Variants in PDCD1LG2 observed in about 807,000 individuals in gnomAD.
PDCD1LG2 encodes the protein programmed cell death 1 ligand 2, also known as B7 dendritic cell molecule.
In PDCD1LG2, 32 loss-of-function variants were observed where a neutral mutation model predicts 28.2. That is an observed-to-expected ratio of 1.13 (90% CI 0.86 to 1.52). The LOEUF (loss-of-function observed/expected upper bound fraction) is 1.52, where lower values mean the gene tolerates loss of function less well. Ranked by LOEUF, PDCD1LG2 falls within the 40% of genes most tolerant of loss-of-function variation. The pLI is 0.00. For synonymous variants in PDCD1LG2, 116 were observed against 120.2 expected (o/e 0.97, Z 0.23); for missense variants, 385 against 323.8 (o/e 1.19, Z -1.45).
chr9:5,543,534 G>C (rs57753863), intron 3 of PDCD1LG2, among the ~76,000 whole-genome samples: 8,924 of 110,354 alleles, frequency 0.081, 319 homozygotes, highest in South Asian at 0.18. Flanking sequence ...GCGAGACTCC[G>C]TCTCAAAAAA....
chr9:5,554,301 C>T (rs1816394074), intron 4 of PDCD1LG2, among the ~76,000 whole-genome samples: 1 of 152,184 alleles, frequency 6.6e-6, no homozygotes, highest in South Asian at 2.1e-4. Context: ...AGCTACCAGA[C>T]TGTGTGGACA....
At chr9:5,555,578 T>A (rs1415389583) in intron 4 of PDCD1LG2, among the ~76,000 whole-genome samples, 1 of 152,226 alleles carries the variant, frequency 6.6e-6, no homozygotes. Context: ...TTTCGTTCCA[T>A]GTAACACTCA....
chr9:5,571,140 T>A lies in PDCD1LG2; in HGVS notation c.*1181T>A, dbSNP rs1163101423. On this transcript the variant is annotated 3_prime_UTR_variant, in exon 7 of 7. Transcript: ENST00000397747. Reference sequence around the variant, plus strand: ...TTAACTGAGCAAAATTTGGGGCTTATGAGAATGAAAGGGTGTGAAATTGAC... The same window carrying A: ...TTAACTGAGCAAAATTTGGGGCTTAAGAGAATGAAAGGGTGTGAAATTGAC... 2 of 232,728 alleles carry A rather than the reference T, an allele frequency of 8.6e-6. No individual in the cohort carries two copies. The highest frequency in any genetic ancestry group is 4.4e-5 in the African/African-American group (2 of 45,352). 14.4% of individuals were successfully genotyped at this position (232,728 alleles called of 1,614,324 possible).
intron 1 of PDCD1LG2, among the ~76,000 whole-genome samples, chr9:5,521,754 T>A (rs1820279018): frequency 6.6e-6 from 1 of 152,192 alleles, no homozygotes; most frequent in Non-Finnish European, 1.5e-5. Context: ...TCCAACAGAT[T>A]TCCCCTGAAG....
chr9:5,528,337 T>A (rs1005983108), intron 2 of PDCD1LG2, among the ~76,000 whole-genome samples: 2 of 151,344 alleles, frequency 1.3e-5, no homozygotes, highest in African/African-American at 4.8e-5. Flanking sequence ...GGTATCACTC[T>A]GTTGCCCAGA....
At chr9:5,525,717 G>T (rs540010994) in intron 2 of PDCD1LG2, among the ~76,000 whole-genome samples, 1 of 151,968 alleles carries the variant, frequency 6.6e-6, no homozygotes, top group Non-Finnish European at 1.5e-5. Flanking sequence ...TAAATATATT[G>T]CTTAAGCATA....
chr9:5,513,972 A>G (rs974439206), intron 1 of PDCD1LG2, among the ~76,000 whole-genome samples: 1 of 152,214 alleles, frequency 6.6e-6, no homozygotes, highest in African/African-American at 2.4e-5. Flanking sequence ...GGTATTTCAG[A>G]TCAATTGGGT....
chr9:5,546,249 T>TTG (rs1219436784), intron 3 of PDCD1LG2, among the ~76,000 whole-genome samples: 1 of 152,218 alleles, frequency 6.6e-6, no homozygotes, highest in Middle Eastern at 3.4e-3. Context: ...GACACCAAGA[T>TTG]CAGTTTCTTG....
At chr9:5,561,915 C>T (rs1816570654) in intron 5 of PDCD1LG2, among the ~76,000 whole-genome samples, 1 of 152,204 alleles carries the variant, frequency 6.6e-6, no homozygotes. Context: ...GAGGTACCCA[C>T]TGAAGCCAAC....
chr9:5,555,944 C>T (rs1816431501), intron 4 of PDCD1LG2, among the ~76,000 whole-genome samples: 2 of 152,304 alleles, frequency 1.3e-5, no homozygotes, highest in Middle Eastern at 6.8e-3. Flanking sequence ...CAGTATACCA[C>T]AAGGTAACAA....
intron 4 of PDCD1LG2, among the ~76,000 whole-genome samples, chr9:5,551,984 C>T (rs1816344252): frequency 1.3e-5 from 2 of 152,160 alleles, no homozygotes; most frequent in African/African-American, 4.8e-5. Context: ...CTCACTCATC[C>T]ACCATACATT....
At chr9:5,535,599 C>CGT (rs144163744) in intron 3 of PDCD1LG2, among the ~76,000 whole-genome samples, 8 of 151,032 alleles carry the variant, frequency 5.3e-5, no homozygotes, top group South Asian at 2.1e-4. Context: ...TTCTGAGGGA[C>CGT]GTGTGTGTGT....
chr9:5,525,684 T>G (rs1469393736), intron 2 of PDCD1LG2, among the ~76,000 whole-genome samples: 1 of 152,034 alleles, frequency 6.6e-6, no homozygotes, highest in Non-Finnish European at 1.5e-5. Context: ...AGATAACACA[T>G]AGCACAATGT....
chr9:5,549,499 G>T lies in PDCD1LG2; in HGVS notation c.526G>T (p.Val176Phe). The change falls in exon 4 of 7, where the codon GTC becomes TTC. Residue 176 changes from valine to phenylalanine, a missense_variant. Transcript: ENST00000397747. ...HSRTPEGLYQ[V>F]TSVLRLKPPP... is the part of the protein sequence containing the mutation. The stretch of plus-strand genomic sequence containing the variant: ...CAGGACCCCTGAAGGCCTCTACCAG[G>T]TCACCAGTGTTCTGCGCCTAAAGCC... 3.1e-6 allele frequency: 5 copies of T among 1,614,166 alleles called. No homozygotes were observed. The highest frequency in any genetic ancestry group is 1.3e-5 in the African/African-American group (1 of 75,030).
intron 1 of PDCD1LG2, among the ~76,000 whole-genome samples, chr9:5,520,520 C>A (rs1820253819): frequency 6.6e-6 from 1 of 152,148 alleles, no homozygotes; most frequent in Non-Finnish European, 1.5e-5. Flanking sequence ...TGTCCCTGTA[C>A]AATTGCTCCA....
intron 4 of PDCD1LG2, among the ~76,000 whole-genome samples, chr9:5,550,014 T>C (rs549445307): frequency 4.7e-4 from 72 of 152,248 alleles, no homozygotes; most frequent in Non-Finnish European, 7.3e-4. Context: ...TCCACTGTTG[T>C]ATTCCATAAA....
At chr9:5,560,486 C>T (rs569630177) in intron 5 of PDCD1LG2, among the ~76,000 whole-genome samples, 6 of 152,308 alleles carry the variant, frequency 3.9e-5, no homozygotes, top group African/African-American at 1.4e-4. Context: ...CACAGTGCTA[C>T]AAGATTACAG....
chr9:5,565,382 C>T (rs1816644548), intron 6 of PDCD1LG2, among the ~76,000 whole-genome samples: 1 of 152,116 alleles, frequency 6.6e-6, no homozygotes, highest in Non-Finnish European at 1.5e-5. Context: ...TGGGGTCTCA[C>T]TATGTTGCCC....
intron 4 of PDCD1LG2, among the ~76,000 whole-genome samples, chr9:5,556,941 C>A (rs1472835726): frequency 6.6e-6 from 1 of 152,212 alleles, no homozygotes. Context: ...TAAACTCACC[C>A]TTTCCTCAGT....
Sources: allele counts gnomAD v4.1 joint callset (sites outside exome capture counted in the v4.1 genomes callset), GRCh38; gene constraint gnomAD v4.1.1; transcripts MANE v1.5; gene names NCBI Gene and HGNC (gene_info 2026-07-23, HGNC 2026-07-21).